Variants in UBE2E1 observed in about 807,000 individuals in gnomAD.
UBE2E1 encodes ubiquitin-conjugating enzyme E2 E1.
Under a neutral mutation model 21.4 loss-of-function variants are expected in UBE2E1, and 6 were observed. The observed-to-expected ratio is 0.28, with a 90% CI of 0.15 to 0.55. The LOEUF is 0.55. UBE2E1 is among the 20% of genes least tolerant of loss of function. UBE2E1 has a pLI of 0.93. For missense variants in UBE2E1, 142 were observed against 236.5 expected (o/e 0.60, Z 2.62); for synonymous variants, 87 against 82.7 (o/e 1.05, Z -0.28).
intron 3 of UBE2E1, among the ~76,000 whole-genome samples, chr3:23,826,829 G>A (rs1002331427): frequency 1.3e-5 from 2 of 152,082 alleles, no homozygotes; most frequent in Admixed American, 6.5e-5. Flanking sequence ...ATTCCTACAC[G>A]TGTATTTTAA....
intron 3 of UBE2E1, among the ~76,000 whole-genome samples, chr3:23,857,460 A>G (rs984810441): frequency 6.6e-6 from 1 of 152,202 alleles, no homozygotes; most frequent in East Asian, 1.9e-4. Flanking sequence ...AAGACAACTG[A>G]GAAGTCCTTA....
intron 3 of UBE2E1, among the ~76,000 whole-genome samples, chr3:23,832,701 C>T (rs538873057): frequency 1.3e-5 from 2 of 152,270 alleles, no homozygotes; most frequent in Non-Finnish European, 2.9e-5. Context: ...TGCCACTGCG[C>T]TCCAGCCTGG....
At chr3:23,884,870 A>G (rs1701142473) in intron 3 of UBE2E1, among the ~76,000 whole-genome samples, 2 of 152,204 alleles carry the variant, frequency 1.3e-5, no homozygotes, top group South Asian at 4.1e-4. Flanking sequence ...TGTTTACCAT[A>G]AACTAGATAA....
At chr3:23,850,544 G>T (rs1180625816) in intron 3 of UBE2E1, among the ~76,000 whole-genome samples, 4 of 150,878 alleles carry the variant, frequency 2.7e-5, no homozygotes, top group Non-Finnish European at 4.4e-5. Flanking sequence ...TTTGAGATAG[G>T]GTCTTGTTCA....
chr3:23,852,786 G>A lies in UBE2E1; in HGVS notation c.204-34781G>A, dbSNP rs932780601. Among the ~76,000 whole-genome samples, 5 of 151,958 alleles carry A rather than the reference G, an allele frequency of 3.3e-5. No individual in the cohort carries two copies. In the East Asian group the frequency reaches 9.6e-4, roughly 29 times the overall value. The stretch of plus-strand genomic sequence containing the variant: ...CACCCAGCTAGGTTTTTGTATTTTT[G>A]TAGAGCAGGGGTCTCACCATGTTGC... On this transcript the variant is annotated intron_variant, in intron 3 of 5. Transcript: ENST00000306627.
In UBE2E1 at chr3:23,808,735, C is replaced by G. The variant is rs1272040717; in HGVS notation, c.152+1314C>G. 1 of 152,138 alleles carries G rather than the reference C, an allele frequency of 6.6e-6. No individual in the cohort carries two copies. Among genetic ancestry groups the G allele is most frequent in the African/African-American group, 2.4e-5 (1 of 41,384 alleles). The allele number at this position is 152,138 out of a possible 1,614,324, so 9.4% of individuals were successfully genotyped here. On this transcript the variant is annotated intron_variant, in intron 2 of 5. Coordinates refer to ENST00000306627, the MANE Select transcript of UBE2E1 (RefSeq NM_003341.5). This position sits in a 1 kb window ranked among gnomAD's most constrained non-coding sequence, Gnocchi z 4.9. ...CAGCTTCTCAGGAGGCCTGACTGACCCTCACTGATTAGCCCTGTGCGGTTT... is the reference window on the plus strand; with the variant it reads ...CAGCTTCTCAGGAGGCCTGACTGACGCTCACTGATTAGCCCTGTGCGGTTT...
chr3:23,881,377 ATAAACCT>A (rs1266900255), intron 3 of UBE2E1, among the ~76,000 whole-genome samples: 1 of 152,242 alleles, frequency 6.6e-6, no homozygotes, highest in Non-Finnish European at 1.5e-5. Flanking sequence ...TTAGTTACAA[ATAAACCT>A]TAAACCTCTG....
chr3:23,888,365 G>A, intron 4 of UBE2E1: 1 of 397,664 alleles, frequency 2.5e-6, no homozygotes, highest in Non-Finnish European at 5.0e-6. Context: ...CCAGATAAAA[G>A]TACAACTGCA....
In UBE2E1 at chr3:23,876,620, G is replaced by GT. The variant is rs560694546; in HGVS notation, c.204-10941dup. ...AAGCATTTTGTAAATTCAGTTTTGG[G>GT]TTTTTTGTTTTTTGTTTCTTGTTTT... On this transcript the variant is annotated intron_variant, in intron 3 of 5. Transcript: ENST00000306627. The surrounding 1 kb of genome is among the most constrained non-coding windows in gnomAD (Gnocchi z 4.3). 5.9e-5 allele frequency among the ~76,000 whole-genome samples: 9 copies of GT among 152,084 alleles called. No individual in the cohort carries two copies. The South Asian group carries it at 1.9e-3, about 32-fold the overall frequency.
chr3:23,886,770 T>C (rs1160283632), intron 3 of UBE2E1, among the ~76,000 whole-genome samples: 1 of 152,222 alleles, frequency 6.6e-6, no homozygotes, highest in African/African-American at 2.4e-5. Context: ...GCCTAGTACA[T>C]GGGCATTCAG....
At chr3:23,866,945 C>T (rs997967175) in intron 3 of UBE2E1, among the ~76,000 whole-genome samples, 2 of 152,106 alleles carry the variant, frequency 1.3e-5, no homozygotes, top group Non-Finnish European at 2.9e-5. Context: ...TTATTTTAAG[C>T]TTCATGGGTG....
At position 23,889,219 on chromosome 3, in the gene UBE2E1, C is replaced by T; in HGVS notation, c.444C>T (p.Val148=). 6.2e-7 allele frequency: 1 copy of T among 1,613,744 alleles called. No individual in the cohort carries two copies. Among genetic ancestry groups the T allele is most frequent in the Non-Finnish European group, 8.5e-7 (1 of 1,179,954 alleles). ...GTCCAGCACTAACCATTTCTAAAGT[C>T]CTCCTTTCTATCTGCTCACTTCTTA... ...NWSPALTISK[V]LLSICSLLTD... Residue 148 remains valine, a synonymous_variant, in exon 5 of 6, where the codon GTC becomes GTT. Transcript: ENST00000306627.
At chr3:23,871,996 C>T (rs549529624) in intron 3 of UBE2E1, among the ~76,000 whole-genome samples, 9 of 151,934 alleles carry the variant, frequency 5.9e-5, no homozygotes, top group East Asian at 1.9e-4. Context: ...GCTGCAATCT[C>T]GGCACTTTGG....
In UBE2E1 at chr3:23,858,875, T is replaced by C. The variant is rs114314158; in HGVS notation, c.204-28692T>C. ...ATGTGAGGGAGAGGAGGGTTGCCCA[T>C]AGGAAATTTTTATATTGGGCCCATT... is the stretch of plus-strand genomic sequence containing the variant. On this transcript the variant is annotated intron_variant, in intron 3 of 5. Transcript: ENST00000306627. Among the ~76,000 whole-genome samples, 697 of 152,246 alleles carry C rather than the reference T, an allele frequency of 4.6e-3. 10 individuals are homozygous for C. The highest frequency in any genetic ancestry group is 0.016 in the African/African-American group (652 of 41,540).
chr3:23,836,633 A>G lies in UBE2E1; in HGVS notation c.203+25123A>G, dbSNP rs139279142. Among the ~76,000 whole-genome samples, 113 of 152,328 alleles carry G rather than the reference A, an allele frequency of 7.4e-4. 1 individual carries two copies. The highest frequency in any genetic ancestry group is 2.6e-3 in the African/African-American group (107 of 41,578). ...TAGATCTAGTTCAGTTCCTCATTTT[A>G]CAAATGAACACACTCAGATCTAGGG... On this transcript the variant is annotated intron_variant, in intron 3 of 5. Transcript: ENST00000306627. This position sits in a 1 kb window ranked among gnomAD's most constrained non-coding sequence, Gnocchi z 4.1.
rs1699981599 is a variant in UBE2E1 at position 23,836,672 on chromosome 3, T to G, written c.203+25162T>G. 2.0e-5 allele frequency among the ~76,000 whole-genome samples: 3 copies of G among 152,180 alleles called. No homozygotes were observed. In the South Asian group the frequency reaches 6.2e-4, roughly 32 times the overall value. On this transcript the variant is annotated intron_variant, in intron 3 of 5. Coordinates refer to ENST00000306627, the MANE Select transcript of UBE2E1 (RefSeq NM_003341.5). This position sits in a 1 kb window ranked among gnomAD's most constrained non-coding sequence, Gnocchi z 4.1. ...TCAGATCTAGGGAAGTGAGGTGACTTTCCTAAAATGGCTCAGCTGAGGACT... is the reference window on the plus strand; with the variant it reads ...TCAGATCTAGGGAAGTGAGGTGACTGTCCTAAAATGGCTCAGCTGAGGACT...
intron 3 of UBE2E1, among the ~76,000 whole-genome samples, chr3:23,817,077 A>T (rs1192405002): frequency 6.6e-6 from 1 of 152,262 alleles, no homozygotes; most frequent in East Asian, 1.9e-4. Flanking sequence ...CTTATAGCTT[A>T]GAAGGCAATA....
intron 3 of UBE2E1, among the ~76,000 whole-genome samples, chr3:23,855,476 C>T (rs190676421): frequency 2.6e-4 from 39 of 152,242 alleles, no homozygotes; most frequent in African/African-American, 7.9e-4. Flanking sequence ...CATAGTTAAG[C>T]AGTCATTATT....
At position 23,823,645 on chromosome 3, in the gene UBE2E1, A is replaced by T. The variant is rs1431884010; in HGVS notation, c.203+12135A>T. Among the ~76,000 whole-genome samples the T allele has an allele frequency of 2.0e-5, 3 of 152,246 alleles. No individual in the cohort carries two copies. The highest frequency in any genetic ancestry group is 4.8e-5 in the African/African-American group (2 of 41,462). On this transcript the variant is annotated intron_variant, in intron 3 of 5. Transcript: ENST00000306627. This position sits in a 1 kb window ranked among gnomAD's most constrained non-coding sequence, Gnocchi z 4.2. ...TAAAAGGAGATTGTTGACTTTGCAG[A>T]GAAAAAGACCCTAAAAGAAAACATT...
Sources: allele counts gnomAD v4.1 joint callset (sites outside exome capture counted in the v4.1 genomes callset), GRCh38; gene constraint gnomAD v4.1.1; non-coding constraint Gnocchi (gnomAD v3.1); transcripts MANE v1.5; gene names NCBI Gene and HGNC (gene_info 2026-07-23, HGNC 2026-07-21).